Variants in FREM2 observed in about 807,000 individuals in gnomAD.
FREM2 encodes the protein FRAS1 related extracellular matrix 2, also known as FRAS1-related extracellular matrix protein 2.
A neutral mutation model predicts 219.9 loss-of-function variants in FREM2; 119 were observed. The observed-to-expected ratio is 0.54, with a 90% CI of 0.47 to 0.63. FREM2 has a LOEUF of 0.63. FREM2 is among the 30% of genes least tolerant of loss of function. The probability of loss-of-function intolerance (pLI) is 0.00; values close to 1 mark genes in which losing one functional copy is unlikely to be tolerated. For synonymous variants in FREM2, 1,562 were observed against 1,522.8 expected (o/e 1.03, Z -0.60); for missense variants, 4,030 against 3,993.6 (o/e 1.01, Z -0.25).
chr13:38,754,888 TG>T (rs1872922995), intron 2 of FREM2, among the ~76,000 whole-genome samples: 4 of 110,180 alleles, frequency 3.6e-5, no homozygotes, highest in African/African-American at 1.0e-4. Context: ...ATGATGATGA[TG>T]ATGATGATGA....
chr13:38,864,792 C>G (rs544589890), intron 16 of FREM2, among the ~76,000 whole-genome samples, 186 bp downstream of exon 16: 1 of 151,800 alleles, frequency 6.6e-6, no homozygotes, highest in African/African-American at 2.4e-5. Flanking sequence ...AACAATGGGC[C>G]AGAATATACG....
intron 9 of FREM2, 77 bp from the exon 10 acceptor site, chr13:38,850,867 G>T: frequency 6.5e-7 from 1 of 1,531,524 alleles, no homozygotes; most frequent in East Asian, 2.2e-5. Context: ...CAACAAACTT[G>T]CCCTTATGGT....
chr13:38,689,314 A>C lies in FREM2; in HGVS notation c.1970A>C (p.His657Pro). The C allele has an allele frequency of 6.2e-7, 1 of 1,613,780 alleles. No individual in the cohort carries two copies. Among genetic ancestry groups the C allele is most frequent in the Non-Finnish European group, 8.5e-7 (1 of 1,179,922 alleles). The change falls in exon 1 of 24, where the codon CAC (histidine) becomes CCC (proline). Residue 657 changes from histidine to proline, a missense_variant. Transcript: ENST00000280481. The part of the protein sequence containing the change: ...DITEGRLFYR[H>P]SGPHSPGPVT... ...ACAGAGGGCAGGCTGTTCTATAGAC[A>C]CTCTGGGCCCCATAGTCCTGGGCCA...
intron 2 of FREM2, among the ~76,000 whole-genome samples, chr13:38,760,747 C>G (rs903660555): frequency 5.3e-5 from 8 of 151,884 alleles, no homozygotes; most frequent in African/African-American, 1.9e-4. Flanking sequence ...CTAATTGATG[C>G]AATAGATGTT....
chr13:38,799,372 G>A (rs1874921703), intron 6 of FREM2, among the ~76,000 whole-genome samples: 1 of 151,864 alleles, frequency 6.6e-6, no homozygotes, highest in Non-Finnish European at 1.5e-5. Flanking sequence ...GGCTTGTTTT[G>A]TGGCCTAACA....
At chr13:38,848,279 A>G (rs933032480) in intron 7 of FREM2, among the ~76,000 whole-genome samples, 182 bp from the exon 8 acceptor site, 8 of 152,232 alleles carry the variant, frequency 5.3e-5, no homozygotes, top group African/African-American at 1.7e-4. Flanking sequence ...TCTTTGATCT[A>G]TCACCACAGT....
At chr13:38,836,491 A>G (rs569509364) in intron 6 of FREM2, among the ~76,000 whole-genome samples, 20 of 151,870 alleles carry the variant, frequency 1.3e-4, no homozygotes, top group Admixed American at 1.0e-3. Context: ...CTCCTTTTCT[A>G]TTGTTTGGAA....
intron 6 of FREM2, among the ~76,000 whole-genome samples, chr13:38,801,041 C>G (rs1874988890): frequency 6.6e-6 from 1 of 152,190 alleles, no homozygotes; most frequent in South Asian, 2.1e-4. Flanking sequence ...ATTGATCATT[C>G]TTTTTCTTTT....
chr13:38,839,535 AT>A (rs1339035517), intron 6 of FREM2, among the ~76,000 whole-genome samples: 1 of 152,190 alleles, frequency 6.6e-6, no homozygotes, highest in Admixed American at 6.5e-5. Flanking sequence ...AGGCAGGAAC[AT>A]TTAAGTCTGC....
intron 13 of FREM2, among the ~76,000 whole-genome samples, chr13:38,858,648 C>G (rs552575678): frequency 6.6e-6 from 1 of 152,310 alleles, no homozygotes; most frequent in Admixed American, 6.5e-5. Context: ...ATTACAACAG[C>G]ACTTCTAAAA....
At chr13:38,869,999 A>T (rs1176671053) in intron 16 of FREM2, among the ~76,000 whole-genome samples, 1 of 152,226 alleles carries the variant, frequency 6.6e-6, no homozygotes, top group Non-Finnish European at 1.5e-5. Context: ...AAGCTACAGA[A>T]ATGCAACCCC....
chr13:38,880,341 A>T lies in FREM2; in HGVS notation c.9064A>T (p.Asn3022Tyr). The change falls in exon 24 of 24, where the codon AAT becomes TAT. Residue 3022 changes from asparagine to tyrosine, a missense_variant. Around this residue, in one of 2 missense-constraint regions of FREM2, gnomAD observed 928 missense variants for 1,042.9 expected, o/e 0.89. Coordinates refer to ENST00000280481, the MANE Select transcript of FREM2 (RefSeq NM_207361.6). ...HTIYTVRSKD[N>Y]ANRGIGKRSV... ...GATCTATACAGTGAGATCGAAAGAC[A>T]ATGCCAATCGAGGTATTGGCAAAAG... The T allele has an allele frequency of 6.2e-7, 1 of 1,614,062 alleles. No individual in the cohort carries two copies. Among genetic ancestry groups the T allele is most frequent in the Non-Finnish European group, 8.5e-7 (1 of 1,179,948 alleles).
chr13:38,850,489 C>A (rs983989447), intron 9 of FREM2, among the ~76,000 whole-genome samples: 4 of 152,102 alleles, frequency 2.6e-5, no homozygotes, highest in Admixed American at 1.3e-4. Flanking sequence ...AAAAGCATAT[C>A]AAATGTACAG....
In FREM2 at chr13:38,835,238, G is replaced by T. The variant is rs142559180; in HGVS notation, c.6020-11335G>T. On this transcript the variant is annotated intron_variant, in intron 6 of 23. Transcript: ENST00000280481. ...CCTATTTCTTATTTTTGTCAGGTTT[G>T]TCAAAGATCAGATAGTTGTAGATGT... 8.2e-3 allele frequency among the ~76,000 whole-genome samples: 1,243 copies of T among 152,244 alleles called. 12 individuals carry two copies. Among genetic ancestry groups the T allele is most frequent in the African/African-American group, 0.029 (1,188 of 41,544 alleles).
At chr13:38,755,675 T>C (rs566723572) in intron 2 of FREM2, among the ~76,000 whole-genome samples, 13 of 152,328 alleles carry the variant, frequency 8.5e-5, no homozygotes, top group Admixed American at 2.6e-4. Context: ...GGCTCCTTTA[T>C]AGCCCAAGAA....
In FREM2 at chr13:38,692,394, T is replaced by C. The variant is rs1034032969; in HGVS notation, c.5050T>C (p.Leu1684=). 5 of 1,610,132 alleles carry C rather than the reference T, an allele frequency of 3.1e-6. No individual in the cohort carries two copies. The highest frequency in any genetic ancestry group is 2.7e-5 in the African/African-American group (2 of 74,694). Residue 1684 remains leucine (L), a synonymous_variant, in exon 1 of 24, where the codon TTG becomes CTG. Transcript: ENST00000280481. ...HLGFMITSKI[L]KVEDRDSLHI... ...GGGGTTCATGATCACAAGCAAAATATTGAAAGTGGAGGACAGAGACAGCTT... is the reference window on the plus strand; with the variant it reads ...GGGGTTCATGATCACAAGCAAAATACTGAAAGTGGAGGACAGAGACAGCTT...
chr13:38,780,189 TA>T lies in FREM2; in HGVS notation c.5642-2880del, dbSNP rs554435938. The stretch of plus-strand genomic sequence containing the variant: ...TATTTAAAAGGAACCTCAATTTTAA[TA>T]TGTTTAAAATGGAACTGTGGATTTC... On this transcript the variant is annotated intron_variant, in intron 4 of 23. Transcript: ENST00000280481. 8.5e-5 allele frequency among the ~76,000 whole-genome samples: 13 copies of T among 152,348 alleles called. No homozygotes were observed. The South Asian group carries it at 1.4e-3, about 17-fold the overall frequency.
At chr13:38,700,492 C>T (rs1870300419) in intron 2 of FREM2, among the ~76,000 whole-genome samples, 1 of 152,112 alleles carries the variant, frequency 6.6e-6, no homozygotes, top group Non-Finnish European at 1.5e-5. Context: ...TGTCCACACA[C>T]ATACACAGAT....
intron 2 of FREM2, among the ~76,000 whole-genome samples, chr13:38,743,439 A>C (rs1222755203): frequency 6.6e-6 from 1 of 152,068 alleles, no homozygotes; most frequent in Admixed American, 6.6e-5. Context: ...TTCAAAATTA[A>C]TATTAGGATG....
Sources: gnomAD v4.1 joint callset for allele counts (sites outside exome capture counted in the v4.1 genomes callset) on GRCh38, gnomAD v4.1.1 for gene constraint, gnomAD v4.1.1 regional missense constraint, MANE v1.5 for transcripts, NCBI Gene and HGNC (gene_info 2026-07-23, HGNC 2026-07-21) for gene names.